Variants in DLG2 observed in about 807,000 individuals in gnomAD.
DLG2 encodes the protein disks large homolog 2.
DLG2 carries 45 observed loss-of-function variants against 132.5 expected under a neutral mutation model. That is an observed-to-expected ratio of 0.34 (90% CI 0.27 to 0.44). The LOEUF is 0.44. Among genes scored for constraint, DLG2 ranks in the 20% least tolerant of loss-of-function variants. The pLI is 1.00. For missense variants in DLG2, 1,045 were observed against 1,196.9 expected (o/e 0.87, Z 1.87); for synonymous variants, 424 against 419.6 (o/e 1.01, Z -0.13).
chr11:84,259,389 A>C (rs750754813), intron 7 of DLG2, among the ~76,000 whole-genome samples: 6 of 152,074 alleles, frequency 3.9e-5, no homozygotes, highest in Admixed American at 1.3e-4. Context: ...AGGTGGGTGC[A>C]GTTCAATCCA....
At chr11:83,709,613 T>A (rs1407315212) in intron 18 of DLG2, among the ~76,000 whole-genome samples, 3 of 152,158 alleles carry the variant, frequency 2.0e-5, no homozygotes, top group Non-Finnish European at 4.4e-5. Flanking sequence ...AGAAGTTTAA[T>A]TTAGCTTTCT....
In DLG2 at chr11:85,113,333, CTAA is replaced by C. The variant is rs533968753; in HGVS notation, c.283-1601_283-1599del. On this transcript the variant is annotated intron_variant, in intron 5 of 27. Coordinates refer to ENST00000376104, the MANE Select transcript of DLG2 (RefSeq NM_001142699.3). Reference sequence around the variant, plus strand: ...ATTATCACAATTTGCAAGGAAGCTACTAATGAGAACACACAACATATTCACAAA... The same window carrying C: ...ATTATCACAATTTGCAAGGAAGCTACTGAGAACACACAACATATTCACAAA... Among the ~76,000 whole-genome samples the C allele has an allele frequency of 4.6e-5, 7 of 152,106 alleles. No homozygotes were observed. In the South Asian group the frequency reaches 1.2e-3, roughly 27 times the overall value.
intron 3 of DLG2, among the ~76,000 whole-genome samples, chr11:85,490,900 A>G (rs57498367): frequency 0.034 from 5,199 of 152,204 alleles, 280 homozygotes; most frequent in African/African-American, 0.12. Context: ...CAAAAAGGGA[A>G]GAATTATCCC....
At chr11:84,142,629 C>A (rs2094903546) in intron 9 of DLG2, among the ~76,000 whole-genome samples, 1 of 152,096 alleles carries the variant, frequency 6.6e-6, no homozygotes, top group South Asian at 2.1e-4. Flanking sequence ...GGGTGAGAGT[C>A]ATCCAATCTG....
chr11:83,762,645 A>T (rs1412782081), intron 18 of DLG2, among the ~76,000 whole-genome samples: 1 of 150,828 alleles, frequency 6.6e-6, no homozygotes, highest in South Asian at 2.1e-4. Context: ...CAGTGGCATG[A>T]TCTCGGCTCA....
intron 18 of DLG2, among the ~76,000 whole-genome samples, chr11:83,780,833 A>G (rs1466254689): frequency 6.6e-6 from 1 of 152,180 alleles, no homozygotes; most frequent in African/African-American, 2.4e-5. Context: ...GCCAGAAATC[A>G]AATCTAGTGA....
At chr11:85,610,503 TC>T (rs1401080789) in intron 2 of DLG2, among the ~76,000 whole-genome samples, 2 of 152,208 alleles carry the variant, frequency 1.3e-5, no homozygotes, top group Admixed American at 1.3e-4. Context: ...AGACCACACA[TC>T]CCAACTTACA....
At chr11:85,461,860 C>G (rs1185468315) in intron 3 of DLG2, among the ~76,000 whole-genome samples, 1 of 152,092 alleles carries the variant, frequency 6.6e-6, no homozygotes, top group Non-Finnish European at 1.5e-5. Flanking sequence ...TCAGAGTGAA[C>G]AGGCAACCTA....
chr11:84,226,356 C>T (rs1467038670), intron 8 of DLG2, among the ~76,000 whole-genome samples: 2 of 152,194 alleles, frequency 1.3e-5, no homozygotes, highest in Non-Finnish European at 2.9e-5. Flanking sequence ...TGTCTAACCA[C>T]TCAGCTACCT....
chr11:83,781,851 GA>G, intron 18 of DLG2, among the ~76,000 whole-genome samples: 1 of 152,312 alleles, frequency 6.6e-6, no homozygotes, highest in East Asian at 1.9e-4. Context: ...TTATTAGAAA[GA>G]AGGCAGCAAA....
In DLG2 at chr11:83,930,446, A is replaced by T. The variant is rs2079941590; in HGVS notation, c.1378T>A (p.Cys460Ser). 6.2e-7 allele frequency: 1 copy of T among 1,613,994 alleles called. No homozygotes were observed. The highest frequency in any genetic ancestry group is 8.5e-7 in the Non-Finnish European group (1 of 1,179,962). ...EPVYSTVNKLCDKPASPRHYS... is the reference protein window; with the variant it reads ...EPVYSTVNKLSDKPASPRHYS... ...TGCCTGGGAGAAGCAGGCTTATCAC[A>T]TAGTTTGTTCACAGTGCTGTAAACA... The change falls in exon 15 of 28, where the codon TGT becomes AGT. Residue 460 changes from cysteine (C) to serine (S), a missense_variant. By Grantham distance (112) the Cys-to-Ser change is moderately radical. Coordinates refer to ENST00000376104, the MANE Select transcript of DLG2 (RefSeq NM_001142699.3).
intron 3 of DLG2, among the ~76,000 whole-genome samples, chr11:85,489,393 C>T (rs1445243337): frequency 6.6e-6 from 1 of 152,098 alleles, no homozygotes; most frequent in African/African-American, 2.4e-5. Flanking sequence ...CCCAACACTG[C>T]AGCACGCAGA....
intron 6 of DLG2, among the ~76,000 whole-genome samples, chr11:84,733,172 G>A (rs945351529): frequency 3.3e-4 from 50 of 152,064 alleles, no homozygotes; most frequent in African/African-American, 1.2e-3. Context: ...GGGATTGCTG[G>A]GTCAAATGGT....
chr11:85,604,338 A>G (rs1024045254), intron 2 of DLG2, among the ~76,000 whole-genome samples: 1 of 152,186 alleles, frequency 6.6e-6, no homozygotes, highest in African/African-American at 2.4e-5. Context: ...TATGCTCTTC[A>G]ACTCTCTCTA....
chr11:84,835,601 G>C (rs976192409), intron 6 of DLG2, among the ~76,000 whole-genome samples: 1 of 151,590 alleles, frequency 6.6e-6, no homozygotes, highest in Non-Finnish European at 1.5e-5. Flanking sequence ...CTTGCCTATT[G>C]AACAACATGT....
chr11:84,976,355 CTG>C (rs2154117250), intron 6 of DLG2, among the ~76,000 whole-genome samples: 1 of 152,222 alleles, frequency 6.6e-6, no homozygotes, highest in Admixed American at 6.5e-5. Context: ...GTACCCACGA[CTG>C]TAAGACTGAG....
intron 4 of DLG2, among the ~76,000 whole-genome samples, chr11:85,195,646 C>G (rs2080995046): frequency 6.6e-6 from 1 of 151,704 alleles, no homozygotes; most frequent in Non-Finnish European, 1.5e-5. Flanking sequence ...GCCTCAGCCT[C>G]CCGAGTAGCT....
intron 6 of DLG2, among the ~76,000 whole-genome samples, chr11:84,879,737 T>G (rs777710248): frequency 6.6e-6 from 1 of 152,150 alleles, no homozygotes; most frequent in Non-Finnish European, 1.5e-5. Flanking sequence ...CAGAATCATA[T>G]GTATGTCATC....
At chr11:84,198,591 T>C (rs2096552912) in intron 8 of DLG2, among the ~76,000 whole-genome samples, 1 of 152,150 alleles carries the variant, frequency 6.6e-6, no homozygotes, top group Admixed American at 6.5e-5. Context: ...TGTAAGTAAA[T>C]TGCATGTATT....
Sources: allele counts gnomAD v4.1 joint callset (sites outside exome capture counted in the v4.1 genomes callset), GRCh38; gene constraint gnomAD v4.1.1; transcripts MANE v1.5; gene names NCBI Gene and HGNC (gene_info 2026-07-23, HGNC 2026-07-21).